Variants in CADM1 observed in about 807,000 individuals in gnomAD.
The protein encoded by CADM1 is TSLC-1.
A neutral mutation model predicts 53.1 loss-of-function variants in CADM1; 15 were observed. The observed-to-expected ratio is 0.28, with a 90% CI of 0.19 to 0.44. The LOEUF is 0.44. CADM1 is among the 20% of genes least tolerant of loss of function. The pLI, the probability that CADM1 is intolerant of heterozygous loss-of-function variation, is 1.00. For missense variants in CADM1, 434 were observed against 611.3 expected, an observed-to-expected ratio of 0.71 and a Z score of 3.06; for synonymous variants, 281 against 243.0, an observed-to-expected ratio of 1.16 and a Z score of -1.45.
chr11:115,240,462 A>G lies in CADM1; in HGVS notation c.125-42T>C, dbSNP rs764290431. ...AAAAGGTCAGAGGAAAATTTCCATCAATTAAAATGTGATCAGTGGGATCTA... is the reference window on the plus strand; with the variant it reads ...AAAAGGTCAGAGGAAAATTTCCATCGATTAAAATGTGATCAGTGGGATCTA... On this transcript the variant is annotated intron_variant, in intron 1 of 11. Transcript: ENST00000331581. 4 of 1,605,790 alleles carry G rather than the reference A, an allele frequency of 2.5e-6. No individual in the cohort carries two copies. In the South Asian group the frequency reaches 4.4e-5, roughly 18 times the overall value.
intron 1 of CADM1, among the ~76,000 whole-genome samples, chr11:115,303,006 C>T (rs1272817493): frequency 2.6e-5 from 4 of 152,048 alleles, no homozygotes; most frequent in African/African-American, 9.7e-5. Flanking sequence ...GAAAACAAAC[C>T]AACTGAGAAA....
chr11:115,485,601 A>C (rs1949356057), intron 1 of CADM1, among the ~76,000 whole-genome samples: 1 of 152,160 alleles, frequency 6.6e-6, no homozygotes, highest in African/African-American at 2.4e-5. Flanking sequence ...CTGGTGGTTT[A>C]TAAGGGGAAA....
rs1948701489 is a variant in CADM1, at chr11:115,457,285, A to G, written c.124+46986T>C. On this transcript the variant is annotated intron_variant, in intron 1 of 11. Coordinates refer to ENST00000331581, the MANE Select transcript of CADM1 (RefSeq NM_001301043.2). The stretch of plus-strand genomic sequence containing the variant: ...ACTCTGCTGTTTTCCTCTGCACATT[A>G]GAGGTGCTCGATAAGTCGAATCTGG... Among the ~76,000 whole-genome samples, 4 of 152,306 alleles carry G rather than the reference A, an allele frequency of 2.6e-5. No individual in the cohort carries two copies. In the South Asian group the frequency reaches 8.3e-4, roughly 32 times the overall value.
intron 1 of CADM1, among the ~76,000 whole-genome samples, chr11:115,473,420 C>G (rs1047080465): frequency 6.6e-6 from 1 of 152,174 alleles, no homozygotes; most frequent in Admixed American, 6.5e-5. Flanking sequence ...TATGCCGCCA[C>G]TGCACTCCAG....
At chr11:115,363,894 G>C (rs1215126613) in intron 1 of CADM1, among the ~76,000 whole-genome samples, 1 of 152,038 alleles carries the variant, frequency 6.6e-6, no homozygotes, top group African/African-American at 2.4e-5. Context: ...GATATGTTTA[G>C]ATCACAAATA....
At chr11:115,286,533 C>T (rs189976578) in intron 1 of CADM1, among the ~76,000 whole-genome samples, 7 of 152,118 alleles carry the variant, frequency 4.6e-5, no homozygotes, top group Non-Finnish European at 7.4e-5. Context: ...ATTCTCATGA[C>T]CCTGCTCAAA....
intron 10 of CADM1, among the ~76,000 whole-genome samples, chr11:115,182,786 T>A (rs1454733698): frequency 6.6e-6 from 1 of 152,220 alleles, no homozygotes; most frequent in Non-Finnish European, 1.5e-5. Context: ...TCCCTGCCTG[T>A]CGTGTCCCAT....
At chr11:115,356,483 C>T (rs1362852512) in intron 1 of CADM1, among the ~76,000 whole-genome samples, 1 of 151,922 alleles carries the variant, frequency 6.6e-6, no homozygotes, top group Non-Finnish European at 1.5e-5. Flanking sequence ...CAGACCATGG[C>T]ACATAAAGTG....
At chr11:115,285,886 T>G (rs1448140941) in intron 1 of CADM1, among the ~76,000 whole-genome samples, 1 of 152,168 alleles carries the variant, frequency 6.6e-6, no homozygotes, top group Non-Finnish European at 1.5e-5. Flanking sequence ...ACCTTGGCAC[T>G]CAATATCAGC....
chr11:115,388,863 G>A (rs895484950), intron 1 of CADM1, among the ~76,000 whole-genome samples: 3 of 152,072 alleles, frequency 2.0e-5, no homozygotes, highest in East Asian at 1.9e-4. Context: ...TTGCACTGTA[G>A]GGAGGAAAAT....
chr11:115,468,564 G>A (rs1304419320), intron 1 of CADM1, among the ~76,000 whole-genome samples: 1 of 152,186 alleles, frequency 6.6e-6, no homozygotes, highest in East Asian at 1.9e-4. Context: ...TGAGTGCTGT[G>A]CATGTGTTTT....
chr11:115,206,552 A>T (rs1399164861), intron 8 of CADM1, among the ~76,000 whole-genome samples: 1 of 152,158 alleles, frequency 6.6e-6, no homozygotes, highest in Non-Finnish European at 1.5e-5. Context: ...CAAGGGGAAC[A>T]ATTTGATTAT....
At chr11:115,302,012 A>G (rs1565352631) in intron 1 of CADM1, among the ~76,000 whole-genome samples, 1 of 152,048 alleles carries the variant, frequency 6.6e-6, no homozygotes. Context: ...TGTAAAAATG[A>G]TATCAGGTAA....
At chr11:115,331,758 T>G (rs1157957473) in intron 1 of CADM1, among the ~76,000 whole-genome samples, 1 of 152,202 alleles carries the variant, frequency 6.6e-6, no homozygotes, top group Non-Finnish European at 1.5e-5. Context: ...AGGCTGATTT[T>G]CTAATAGAAA....
At position 115,335,201 on chromosome 11, in the gene CADM1, T is replaced by C. The variant is rs1248021695; in HGVS notation, c.125-94781A>G. Among the ~76,000 whole-genome samples, 9 of 152,156 alleles carry C rather than the reference T, an allele frequency of 5.9e-5. No homozygotes were observed. In the East Asian group the frequency reaches 1.7e-3, roughly 29 times the overall value. ...TCATAATGTCAGGATCACTTTAAAC[T>C]CTTAAAAATAAAACTGATAATATTT... On this transcript the variant is annotated intron_variant, in intron 1 of 11. Transcript: ENST00000331581.
At chr11:115,466,921 C>T (rs1948910502) in intron 1 of CADM1, among the ~76,000 whole-genome samples, 1 of 152,166 alleles carries the variant, frequency 6.6e-6, no homozygotes, top group Non-Finnish European at 1.5e-5. Flanking sequence ...TTACAGGAAA[C>T]CTGTGAGTAC....
chr11:115,419,891 C>T (rs746820843), intron 1 of CADM1, among the ~76,000 whole-genome samples: 22 of 152,116 alleles, frequency 1.4e-4, no homozygotes, highest in Non-Finnish European at 2.4e-4. Flanking sequence ...TGACTGTGCC[C>T]AAGCTCTGAA....
At chr11:115,213,584 C>T (rs191812485) in intron 7 of CADM1, among the ~76,000 whole-genome samples, 1 of 152,234 alleles carries the variant, frequency 6.6e-6, no homozygotes, top group African/African-American at 2.4e-5. Flanking sequence ...GACTGCCACT[C>T]CTATTTTCTT....
At chr11:115,465,666 C>G (rs562308121) in intron 1 of CADM1, among the ~76,000 whole-genome samples, 8 of 152,108 alleles carry the variant, frequency 5.3e-5, no homozygotes. Context: ...TGCACAAAGT[C>G]GCACAGTCGA....
Sources: gnomAD v4.1 joint callset for allele counts (sites outside exome capture counted in the v4.1 genomes callset) on GRCh38, gnomAD v4.1.1 for gene constraint, MANE v1.5 for transcripts, NCBI Gene and HGNC (gene_info 2026-07-23, HGNC 2026-07-21) for gene names.